Variants in TMEM143 observed in about 807,000 individuals in gnomAD.
The protein encoded by TMEM143 is transmembrane protein 143.
TMEM143 carries 45 observed loss-of-function variants against 40.3 expected under a neutral mutation model. The observed-to-expected ratio is 1.12, with a 90% CI of 0.88 to 1.43. The LOEUF is 1.43. Among genes scored for constraint, TMEM143 ranks in the 40% most tolerant of loss-of-function variants. TMEM143 has a pLI of 0.00. For synonymous variants in TMEM143, 299 were observed against 282.7 expected, an observed-to-expected ratio of 1.06 and a Z score of -0.58; for missense variants, 620 against 613.4, an observed-to-expected ratio of 1.01 and a Z score of -0.11.
chr19:48,351,284 C>T lies in TMEM143; in HGVS notation c.370-5930G>A, dbSNP rs78908500. Among the ~76,000 whole-genome samples the T allele has an allele frequency of 7.1e-3, 1,088 of 152,266 alleles. 14 individuals are homozygous for T. Among genetic ancestry groups the T allele is most frequent in the African/African-American group, 0.025 (1,037 of 41,540 alleles). On this transcript the variant is annotated intron_variant, in intron 3 of 7. Transcript: ENST00000293261. ...CCTGGGGGTCATCCTGGAGTCTTCC[C>T]TTTCTCACACATCCAACCCATTGGC...
At chr19:48,334,700 C>A (rs548467017) in intron 6 of TMEM143, among the ~76,000 whole-genome samples, 1 of 151,742 alleles carries the variant, frequency 6.6e-6, no homozygotes, top group African/African-American at 2.4e-5. Flanking sequence ...TCAAGCGATC[C>A]TCCCGCCTTG....
chr19:48,362,186 G>T (rs1034801869), intron 2 of TMEM143, among the ~76,000 whole-genome samples: 2 of 148,144 alleles, frequency 1.4e-5, no homozygotes, highest in Non-Finnish European at 1.5e-5. Context: ...ATTTGTGTGT[G>T]TATCAAGTCC....
Position 48,343,323 on chromosome 19 carries a change from C to T in TMEM143, c.693G>A (p.Glu231=). The T allele has an allele frequency of 1.2e-6, 2 of 1,610,412 alleles. No homozygotes were observed. Among genetic ancestry groups the T allele is most frequent in the South Asian group, 2.2e-5 (2 of 90,544 alleles). Residue 231 remains glutamate (E), a splice_region_variant and synonymous_variant, in exon 5 of 8, where the codon GAG becomes GAA. Transcript: ENST00000293261. The stretch of plus-strand genomic sequence containing the variant: ...CTGGGGAACAAGGGCCGCCTCACCT[C>T]TCCGCAGGGGGCAGCTTGGTGAAGA... ...RGFFTKLPPA[E]RRYFKRVVLA...
At chr19:48,339,665 T>C (rs1040174375) in intron 6 of TMEM143, among the ~76,000 whole-genome samples, 5 of 152,022 alleles carry the variant, frequency 3.3e-5, no homozygotes, top group African/African-American at 1.2e-4. Context: ...TGGGAGCAAC[T>C]GAAGCGCAGG....
chr19:48,363,784 T>C, intron 1 of TMEM143, 114 bp downstream of exon 1: 3 of 1,550,682 alleles, frequency 1.9e-6, no homozygotes, highest in Non-Finnish European at 1.8e-6. Flanking sequence ...CAACGTTTCT[T>C]TGGGGTCTAG....
Position 48,342,406 on chromosome 19 carries a change from A to G in TMEM143, c.975+124T>C, listed in dbSNP as rs573122990. On this transcript the variant is annotated intron_variant, in intron 6 of 7. Transcript: ENST00000293261. ...AAAAGAGGAAGAATGGGAAGGAAGGAAGGGAGGGAGGGAGGGAGGAGAGCA... is the reference window on the plus strand; with the variant it reads ...AAAAGAGGAAGAATGGGAAGGAAGGGAGGGAGGGAGGGAGGGAGGAGAGCA... 2.1e-5 allele frequency: 25 copies of G among 1,165,686 alleles called. No individual in the cohort carries two copies. In the East Asian group the frequency reaches 4.5e-4, roughly 21 times the overall value. 72.2% of individuals were successfully genotyped at this position (1,165,686 alleles called of 1,614,324 possible).
Position 48,349,513 on chromosome 19 carries a change from C to T in TMEM143, c.370-4159G>A, listed in dbSNP as rs184809419. Among the ~76,000 whole-genome samples, 60 of 152,142 alleles carry T rather than the reference C, an allele frequency of 3.9e-4. 1 individual carries two copies. The highest frequency in any genetic ancestry group is 1.2e-3 in the African/African-American group (49 of 41,540). On this transcript the variant is annotated intron_variant, in intron 3 of 7. Transcript: ENST00000293261. ...ACAAAAAATTAGTTGGGCATGGTGG[C>T]GGGCGCCTGTAATCCCAGCTACTCC...
intron 6 of TMEM143, among the ~76,000 whole-genome samples, chr19:48,338,617 C>T (rs1298324716): frequency 6.6e-6 from 1 of 152,256 alleles, no homozygotes; most frequent in African/African-American, 2.4e-5. Flanking sequence ...CAGATGCAGC[C>T]TCGGGCTCCT....
chr19:48,348,185 G>A (rs1163348859), intron 3 of TMEM143, among the ~76,000 whole-genome samples: 1 of 152,138 alleles, frequency 6.6e-6, no homozygotes, highest in Non-Finnish European at 1.5e-5. Flanking sequence ...CTGAGCTGCA[G>A]TTTGAAAGCT....
At chr19:48,360,950 C>T (rs536474473) in intron 2 of TMEM143, among the ~76,000 whole-genome samples, 31 of 151,772 alleles carry the variant, frequency 2.0e-4, no homozygotes, top group African/African-American at 5.6e-4. Flanking sequence ...CCATGCCTGG[C>T]GAATTTTTTT....
chr19:48,348,017 C>A (rs1278889575), intron 3 of TMEM143, among the ~76,000 whole-genome samples: 1 of 134,660 alleles, frequency 7.4e-6, no homozygotes, highest in Non-Finnish European at 1.6e-5. Context: ...CAGAGCGAGA[C>A]CCTGTCTCAA....
intron 3 of TMEM143, among the ~76,000 whole-genome samples, chr19:48,357,710 A>AT (rs142727593): frequency 0.024 from 3,686 of 152,140 alleles, 156 homozygotes; most frequent in African/African-American, 0.082. Context: ...GATAAAGAAA[A>AT]TATGGTCTAT....
intron 3 of TMEM143, among the ~76,000 whole-genome samples, chr19:48,346,057 C>T (rs565761836): frequency 1.3e-5 from 2 of 151,222 alleles, no homozygotes; most frequent in East Asian, 3.9e-4. Flanking sequence ...GCTGGGATTA[C>T]AGGCATGAGC....
chr19:48,357,887 G>T (rs1288628799), intron 3 of TMEM143, among the ~76,000 whole-genome samples: 2 of 151,142 alleles, frequency 1.3e-5, no homozygotes, highest in African/African-American at 4.9e-5. Context: ...CTATGAGGGT[G>T]CGAAGATACA....
Position 48,363,328 on chromosome 19 carries a change from G to T in TMEM143, c.227C>A (p.Pro76His). 6.2e-7 allele frequency: 1 copy of T among 1,614,186 alleles called. No individual in the cohort carries two copies. ...WAQQYRERFI[P>H]FSKEQLLRLL... ...GCGGAGCAGCTGCTCCTTGGAGAAG[G>T]GAATGAAGCGCTCGCGGTACTGCTG... Residue 76 changes from proline to histidine, a missense_variant, in exon 2 of 8, where the codon CCC becomes CAC. Pro to His is a moderately conservative substitution (Grantham distance 77, BLOSUM62 -2). Coordinates refer to ENST00000293261, the MANE Select transcript of TMEM143 (RefSeq NM_018273.4).
chr19:48,340,090 A>G (rs189930819), intron 6 of TMEM143, among the ~76,000 whole-genome samples: 4 of 147,334 alleles, frequency 2.7e-5, no homozygotes, highest in Non-Finnish European at 6.0e-5. Flanking sequence ...TCATGAATTC[A>G]TGAATACACT....
At chr19:48,362,063 C>A (rs950844523) in intron 2 of TMEM143, among the ~76,000 whole-genome samples, 1 of 149,046 alleles carries the variant, frequency 6.7e-6, no homozygotes, top group South Asian at 2.1e-4. Flanking sequence ...TTTGTGTGTG[C>A]GTGTATTTGT....
rs919012351 is a variant in TMEM143 at position 48,345,420 on chromosome 19, A to G, written c.370-66T>C. ...TGCATGAAGGATTCTAGGGACATCT[A>G]AGGACATCCCTCTCCAGATACTTTC... On this transcript the variant is annotated intron_variant, in intron 3 of 7. Transcript: ENST00000293261. 4.5e-6 allele frequency: 5 copies of G among 1,104,004 alleles called. No homozygotes were observed. In the African/African-American group the frequency reaches 6.5e-5, roughly 14 times the overall value. 68.4% of individuals were successfully genotyped at this position (1,104,004 alleles called of 1,614,324 possible).
intron 3 of TMEM143, among the ~76,000 whole-genome samples, chr19:48,352,978 A>G (rs11083931): frequency 0.75 from 114,323 of 151,848 alleles, 43,204 homozygotes; most frequent in Admixed American, 0.84. Context: ...CAATGAAAAC[A>G]TTATGTAAAT....
Sources: allele counts gnomAD v4.1 joint callset (sites outside exome capture counted in the v4.1 genomes callset), GRCh38; gene constraint gnomAD v4.1.1; transcripts MANE v1.5; gene names NCBI Gene and HGNC (gene_info 2026-07-23, HGNC 2026-07-21).